The following ARK2C variants were observed in gnomAD, a reference collection of about 807,000 sequenced individuals.
ARK2C encodes the protein E3 ubiquitin-protein ligase ARK2C.
chr18:46,433,274 C>T, the ARK2C span: 29 of 1,610,914 alleles, frequency 1.8e-5, no homozygotes, highest in Non-Finnish European at 2.2e-5. Flanking sequence ...CAGCAGCTCG[C>T]TCCCGACTTC....
chr18:46,385,968 C>T, the ARK2C span: 1 of 152,190 alleles, frequency 6.6e-6, no homozygotes, highest in Non-Finnish European at 1.5e-5. Flanking sequence ...TGTGGTGGTT[C>T]TGATGCTCTG....
chr18:46,365,001 G>A, the ARK2C span, among the ~76,000 whole-genome samples: 1 of 152,148 alleles, frequency 6.6e-6, no homozygotes, highest in Admixed American at 6.5e-5. Flanking sequence ...CTCTGTGACA[G>A]GAGAAGAGTG....
chr18:46,383,550 G>GC, the ARK2C span, among the ~76,000 whole-genome samples: 1 of 97,892 alleles, frequency 1.0e-5, no homozygotes, highest in Non-Finnish European at 2.0e-5. Context: ...GGTTTTCTCT[G>GC]TTTTTTTTTT....
At chr18:46,403,988 C>T in the ARK2C span, among the ~76,000 whole-genome samples, 1 of 152,150 alleles carries the variant, frequency 6.6e-6, no homozygotes, top group African/African-American at 2.4e-5. Flanking sequence ...ATTCTACTGC[C>T]CTGTGTGATT....
the ARK2C span, among the ~76,000 whole-genome samples, chr18:46,358,669 A>G: frequency 1.3e-5 from 2 of 152,126 alleles, no homozygotes; most frequent in East Asian, 3.9e-4. Flanking sequence ...TCCAAAGCCC[A>G]GAGCCTCCGG....
At chr18:46,383,458 C>G in the ARK2C span, among the ~76,000 whole-genome samples, 1 of 151,670 alleles carries the variant, frequency 6.6e-6, no homozygotes, top group African/African-American at 2.4e-5. Context: ...AGACACAAGA[C>G]TAGTTAATAT....
At chr18:46,373,578 C>T in the ARK2C span, among the ~76,000 whole-genome samples, 3 of 152,186 alleles carry the variant, frequency 2.0e-5, no homozygotes, top group African/African-American at 4.8e-5. Context: ...AGTGCCTGGA[C>T]GCTGAGGGCT....
the ARK2C span, chr18:46,386,346 C>A: frequency 6.6e-6 from 1 of 152,310 alleles, no homozygotes; most frequent in East Asian, 1.9e-4. Context: ...TACCAGGTAC[C>A]ATCAAATATA....
chr18:46,350,492 C>G, the ARK2C span, among the ~76,000 whole-genome samples: 1 of 152,106 alleles, frequency 6.6e-6, no homozygotes, highest in East Asian at 1.9e-4. Flanking sequence ...GGGGGTCACA[C>G]GAGGGGTGTC....
chr18:46,431,153 C>G, the ARK2C span, among the ~76,000 whole-genome samples: 1 of 152,154 alleles, frequency 6.6e-6, no homozygotes, highest in Admixed American at 6.5e-5. Context: ...GTTTGGTTTT[C>G]TGTTCCTGTG....
At chr18:46,414,612 C>T in the ARK2C span, among the ~76,000 whole-genome samples, 8 of 152,220 alleles carry the variant, frequency 5.3e-5, no homozygotes, top group South Asian at 1.7e-3. Flanking sequence ...ACACCATGCA[C>T]ACACACATGC....
chr18:46,438,736 G>T, the ARK2C span, among the ~76,000 whole-genome samples: 5 of 152,326 alleles, frequency 3.3e-5, no homozygotes, highest in Admixed American at 3.3e-4. Flanking sequence ...TTCTAAGTTT[G>T]CATCCAACTG....
At chr18:46,341,339 G>T in the ARK2C span, among the ~76,000 whole-genome samples, 1 of 151,730 alleles carries the variant, frequency 6.6e-6, no homozygotes, top group Non-Finnish European at 1.5e-5. Flanking sequence ...GACAGGCGTG[G>T]GGGGTAGGGA....
chr18:46,363,549 C>T, the ARK2C span, among the ~76,000 whole-genome samples: 5 of 152,202 alleles, frequency 3.3e-5, no homozygotes, highest in Admixed American at 6.5e-5. Flanking sequence ...CCCTGATTCA[C>T]CCCTGCAAAC....
the ARK2C span, among the ~76,000 whole-genome samples, chr18:46,406,846 G>C: frequency 6.6e-6 from 1 of 152,244 alleles, no homozygotes; most frequent in Non-Finnish European, 1.5e-5. Flanking sequence ...GGTGAGGGCA[G>C]ATGTCAGGCA....
At chr18:46,437,935 C>T in the ARK2C span, among the ~76,000 whole-genome samples, 20 of 152,314 alleles carry the variant, frequency 1.3e-4, no homozygotes, top group East Asian at 3.3e-3. Flanking sequence ...CTTTCCCCTC[C>T]GGGCAACCTT....
the ARK2C span, among the ~76,000 whole-genome samples, chr18:46,349,287 G>T: frequency 1.3e-5 from 2 of 152,148 alleles, no homozygotes; most frequent in Non-Finnish European, 2.9e-5. Flanking sequence ...GTGCCAGCAG[G>T]TTTGTTGCGG....
chr18:46,422,800 T>A, the ARK2C span, among the ~76,000 whole-genome samples: 1 of 152,214 alleles, frequency 6.6e-6, no homozygotes, highest in Non-Finnish European at 1.5e-5. Flanking sequence ...TTCTGAGCAG[T>A]TAGTGGGCCT....
At chr18:46,403,988 CCT>C in the ARK2C span, among the ~76,000 whole-genome samples, 1 of 152,150 alleles carries the variant, frequency 6.6e-6, no homozygotes, top group East Asian at 1.9e-4. Context: ...ATTCTACTGC[CCT>C]GTGTGATTAA....
Sources: gnomAD v4.1 joint callset for allele counts (sites outside exome capture counted in the v4.1 genomes callset) on GRCh38, gnomAD v4.1.1 for gene constraint, MANE v1.5 for transcripts, NCBI Gene and HGNC (gene_info 2026-07-23, HGNC 2026-07-21) for gene names.